CFAP97D2: variants seen among roughly 807,000 people sequenced by gnomAD.
CFAP97D2 encodes the protein uncharacterized protein CFAP97D2.
At chr13:114,198,410 A>AT (rs972021988) in intron 2 of CFAP97D2, among the ~76,000 whole-genome samples, 2 of 152,254 alleles carry the variant, frequency 1.3e-5, no homozygotes, top group African/African-American at 2.4e-5. Flanking sequence ...CAAGAGGCAG[A>AT]TTCTTTTCCT....
At position 114,206,923 on chromosome 13, in the gene CFAP97D2, G is replaced by T. The variant is rs1167754075; in HGVS notation, c.291-4989G>T. The stretch of plus-strand genomic sequence containing the variant: ...GATTCTGGCCTTCTCTGGTCAGCTG[G>T]ATGTGTATGGATGCTCCTGTATGGG... On this transcript the variant is annotated intron_variant, in intron 3 of 4. Coordinates refer to ENST00000646158, the Ensembl canonical transcript of CFAP97D2. Among the ~76,000 whole-genome samples the T allele has an allele frequency of 3.3e-5, 5 of 152,316 alleles. No individual in the cohort carries two copies. In the East Asian group the frequency reaches 9.7e-4, roughly 29 times the overall value.
At chr13:114,221,967 A>G (rs1047475986) in intron 4 of CFAP97D2, among the ~76,000 whole-genome samples, 3 of 152,256 alleles carry the variant, frequency 2.0e-5, no homozygotes, top group African/African-American at 4.8e-5. Context: ...CCAAATGTCT[A>G]TCAACTGATG....
At position 114,211,863 on chromosome 13, in the gene CFAP97D2, C is replaced by G. The variant is rs2080967859; in HGVS notation, c.291-49C>G. 1 of 398,580 alleles carries G rather than the reference C, an allele frequency of 2.5e-6. No homozygotes were observed. Among genetic ancestry groups the G allele is most frequent in the Admixed American group, 4.4e-5 (1 of 22,738 alleles). The allele number at this position is 398,580 out of a possible 1,614,324, so 24.7% of individuals were successfully genotyped here. Reference sequence around the variant, plus strand: ...CCTGTTGGCCCTGTGGAGGGAATGGCAGCCTTAATAAAATCCAAATTTCAA... The same window carrying G: ...CCTGTTGGCCCTGTGGAGGGAATGGGAGCCTTAATAAAATCCAAATTTCAA... On this transcript the variant is annotated intron_variant, in intron 3 of 4. Coordinates refer to ENST00000646158, the Ensembl canonical transcript of CFAP97D2. The surrounding 1 kb of genome is among the most constrained non-coding windows in gnomAD (Gnocchi z 4.2).
rs574679427 is a variant in CFAP97D2, at chr13:114,190,984, A to G, written c.91-5412A>G. Among the ~76,000 whole-genome samples, 6 of 152,374 alleles carry G rather than the reference A, an allele frequency of 3.9e-5. No homozygotes were observed. In the East Asian group the frequency reaches 9.6e-4, roughly 24 times the overall value. On this transcript the variant is annotated intron_variant, in intron 1 of 4. Transcript: ENST00000646158. ...AAAGGCAATACAGTAGAGCAAAGAC[A>G]GCCTTTTCACAAATGGTGCTGGGAC...
At chr13:114,220,237 T>C (rs965230106) in intron 4 of CFAP97D2, among the ~76,000 whole-genome samples, 13 of 151,980 alleles carry the variant, frequency 8.6e-5, no homozygotes, top group African/African-American at 3.1e-4. Context: ...ACCTTTGGGA[T>C]CCGGGATCTT....
intron 4 of CFAP97D2, among the ~76,000 whole-genome samples, chr13:114,216,795 G>A (rs1435984047): frequency 6.6e-6 from 1 of 152,100 alleles, no homozygotes; most frequent in African/African-American, 2.4e-5. Flanking sequence ...TAATCCTTTG[G>A]GTATATGCCC....
chr13:114,182,253 T>A (rs939790223), intron 1 of CFAP97D2, among the ~76,000 whole-genome samples: 11 of 151,570 alleles, frequency 7.3e-5, no homozygotes, highest in South Asian at 2.1e-4. Flanking sequence ...GATTTATGTT[T>A]CTCTCCGCCC....
intron 2 of CFAP97D2, among the ~76,000 whole-genome samples, chr13:114,198,298 C>T (rs911364468): frequency 7.2e-5 from 11 of 152,160 alleles, no homozygotes; most frequent in African/African-American, 2.7e-4. Flanking sequence ...AGGCTGTGGG[C>T]TTTATATGAG....
rs975569482 is a variant in CFAP97D2, at chr13:114,222,505, T to C, written c.488T>C (p.Val163Ala). The C allele has an allele frequency of 5.0e-6, 2 of 398,522 alleles. No homozygotes were observed. The highest frequency in any genetic ancestry group is 8.8e-6 in the Non-Finnish European group (2 of 226,042). 24.7% of individuals were successfully genotyped at this position (398,522 alleles called of 1,614,324 possible). A position where few individuals can be genotyped will look rare whatever the true frequency, so the allele number is the denominator to read the frequency against. ...TATGTATTTTAAATCCAGCAGGAAGTGAAACTGGATTAGCAAGCGCACAGC... is the reference window on the plus strand; with the variant it reads ...TATGTATTTTAAATCCAGCAGGAAGCGAAACTGGATTAGCAAGCGCACAGC... Residue 163 changes from valine (V) to alanine (A), a missense_variant, in exon 5 of 5, where the codon GTG becomes GCG. Val to Ala is a moderately conservative substitution (Grantham distance 64). Coordinates refer to ENST00000646158, the Ensembl canonical transcript of CFAP97D2. The surrounding 1 kb of genome is among the most constrained non-coding windows in gnomAD (Gnocchi z 4.4).
intron 3 of CFAP97D2, among the ~76,000 whole-genome samples, chr13:114,210,662 T>C (rs144366526): frequency 2.6e-5 from 4 of 152,206 alleles, no homozygotes; most frequent in Non-Finnish European, 5.9e-5. Flanking sequence ...CAGATTTGAT[T>C]GCAGATCCAG....
chr13:114,188,718 A>G (rs1281874632), intron 1 of CFAP97D2, among the ~76,000 whole-genome samples: 1 of 149,204 alleles, frequency 6.7e-6, no homozygotes, highest in East Asian at 2.1e-4. Flanking sequence ...AGGAGCTTGC[A>G]GTGAGCCGAG....
At chr13:114,192,115 G>A (rs186336702) in intron 1 of CFAP97D2, among the ~76,000 whole-genome samples, 336 of 152,204 alleles carry the variant, frequency 2.2e-3, no homozygotes, top group African/African-American at 7.8e-3. Context: ...GATTTTTAGG[G>A]CCATGAAAAT....
chr13:114,220,217 C>A (rs928643224), intron 4 of CFAP97D2, among the ~76,000 whole-genome samples: 1 of 152,086 alleles, frequency 6.6e-6, no homozygotes, highest in Admixed American at 6.5e-5. Context: ...ATGGTTCGGC[C>A]AGCTGCCAGA....
chr13:114,187,214 G>T lies in CFAP97D2; in HGVS notation c.90+7794G>T, dbSNP rs1182121418. Among the ~76,000 whole-genome samples the T allele has an allele frequency of 6.6e-6, 1 of 151,970 alleles. No homozygotes were observed. The highest frequency in any genetic ancestry group is 1.5e-5 in the Non-Finnish European group (1 of 67,998). On this transcript the variant is annotated intron_variant, in intron 1 of 4. Transcript: ENST00000646158. The surrounding 1 kb of genome is among the most constrained non-coding windows in gnomAD (Gnocchi z 4.2). ...ATAAACTAAGAAGGGAGAGAAAATG[G>T]AATCATATAAAATGCTCAATTAAAA...
At position 114,211,498 on chromosome 13, in the gene CFAP97D2, G is replaced by A. The variant is rs1358983802; in HGVS notation, c.291-414G>A. On this transcript the variant is annotated intron_variant, in intron 3 of 4. Transcript: ENST00000646158. This position sits in a 1 kb window ranked among gnomAD's most constrained non-coding sequence, Gnocchi z 4.2. ...ACCTCTCTCCCATGGGCGCCTGGGT[G>A]CTTGCCCTCCCCGCCTGGGACCCTG... Among the ~76,000 whole-genome samples, 2 of 152,136 alleles carry A rather than the reference G, an allele frequency of 1.3e-5. No individual in the cohort carries two copies. The highest frequency in any genetic ancestry group is 2.9e-5 in the Non-Finnish European group (2 of 68,020).
rs76568805 is a variant in CFAP97D2 at position 114,186,950 on chromosome 13, G to A, written c.90+7530G>A. ...GGCCCAGTGGGCCCGAGCAAAATTCGGCAAAGGTGCCACCAGCCACAGAGG... is the reference window on the plus strand; with the variant it reads ...GGCCCAGTGGGCCCGAGCAAAATTCAGCAAAGGTGCCACCAGCCACAGAGG... On this transcript the variant is annotated intron_variant, in intron 1 of 4. Coordinates refer to ENST00000646158, the Ensembl canonical transcript of CFAP97D2. The surrounding 1 kb of genome is among the most constrained non-coding windows in gnomAD (Gnocchi z 4.3). 1.3e-5 allele frequency among the ~76,000 whole-genome samples: 2 copies of A among 152,210 alleles called. No homozygotes were observed. The highest frequency in any genetic ancestry group is 1.9e-4 in the East Asian group (1 of 5,192).
chr13:114,211,699 C>A lies in CFAP97D2; in HGVS notation c.291-213C>A, dbSNP rs991445244. Among the ~76,000 whole-genome samples the A allele has an allele frequency of 6.6e-6, 1 of 152,198 alleles. No individual in the cohort carries two copies. Among genetic ancestry groups the A allele is most frequent in the Non-Finnish European group, 1.5e-5 (1 of 68,042 alleles). ...CCCCTCCCGCCGTGCAAAGCGAGCGCGCCGGGGCTGAGTGTGCCCTTCGCT... is the reference window on the plus strand; with the variant it reads ...CCCCTCCCGCCGTGCAAAGCGAGCGAGCCGGGGCTGAGTGTGCCCTTCGCT... On this transcript the variant is annotated intron_variant, in intron 3 of 4. Transcript: ENST00000646158. The surrounding 1 kb of genome is among the most constrained non-coding windows in gnomAD (Gnocchi z 4.2).
chr13:114,184,277 A>G (rs1374040755), intron 1 of CFAP97D2, among the ~76,000 whole-genome samples: 1 of 152,252 alleles, frequency 6.6e-6, no homozygotes, highest in Non-Finnish European at 1.5e-5. Context: ...ACTTGTAATG[A>G]GAATACCAGG....
chr13:114,222,530 C>T, downstream of CFAP97D2: 1 of 398,464 alleles, frequency 2.5e-6, no homozygotes. This position sits in a 1 kb window ranked among gnomAD's most constrained non-coding sequence, Gnocchi z 4.4. Flanking sequence ...AAGCGCACAG[C>T]CAAGCCTGGA....
Sources: allele counts gnomAD v4.1 joint callset (sites outside exome capture counted in the v4.1 genomes callset), GRCh38; gene constraint gnomAD v4.1.1; non-coding constraint Gnocchi (gnomAD v3.1); transcripts MANE v1.5; gene names NCBI Gene and HGNC (gene_info 2026-07-23, HGNC 2026-07-21).